Variants in TMEM74 observed in about 807,000 individuals in gnomAD.
The protein encoded by TMEM74 is transmembrane protein 74.
A neutral mutation model predicts 18.1 loss-of-function variants in TMEM74; 13 were observed. The observed-to-expected ratio is 0.72, with a 90% CI of 0.47 to 1.14. The LOEUF is 1.14. TMEM74 is among the 50% of genes most tolerant of loss of function. The probability of loss-of-function intolerance (pLI) is 0.00; values close to 1 mark genes in which losing one functional copy is unlikely to be tolerated. For missense variants in TMEM74, 372 were observed against 375.9 expected, an observed-to-expected ratio of 0.99 and a Z score of 0.09; for synonymous variants, 159 against 146.6, an observed-to-expected ratio of 1.08 and a Z score of -0.61.
At chr8:108,769,529 T>G (rs1157415318) in intron 1 of TMEM74, among the ~76,000 whole-genome samples, 1 of 152,156 alleles carries the variant, frequency 6.6e-6, no homozygotes, top group East Asian at 1.9e-4. Context: ...TTCTTCATTA[T>G]TTCTCATATA....
intron 1 of TMEM74, among the ~76,000 whole-genome samples, chr8:108,691,165 G>A (rs986469040): frequency 6.6e-6 from 1 of 152,154 alleles, no homozygotes; most frequent in Admixed American, 6.5e-5. Context: ...CATGTTGGCC[G>A]GGCCTGGGAC....
chr8:108,694,546 C>T (rs911387896), intron 1 of TMEM74, among the ~76,000 whole-genome samples: 1 of 152,144 alleles, frequency 6.6e-6, no homozygotes, highest in African/African-American at 2.4e-5. Context: ...GAACTGTGAA[C>T]TTTTGTGAAT....
intron 1 of TMEM74, among the ~76,000 whole-genome samples, chr8:108,660,007 ATCT>A: frequency 6.6e-6 from 1 of 152,164 alleles, no homozygotes; most frequent in East Asian, 1.9e-4. Flanking sequence ...ATTGCAATTC[ATCT>A]TCTCCTTCCA....
At chr8:108,735,722 T>A (rs544924868) in intron 1 of TMEM74, among the ~76,000 whole-genome samples, 1 of 152,192 alleles carries the variant, frequency 6.6e-6, no homozygotes, top group Non-Finnish European at 1.5e-5. Flanking sequence ...CTTGGAGATA[T>A]ACTTAGAAGT....
At chr8:108,610,725 G>A (rs1390896099) in intron 2 of TMEM74, among the ~76,000 whole-genome samples, 2 of 152,168 alleles carry the variant, frequency 1.3e-5, no homozygotes, top group Non-Finnish European at 2.9e-5. Context: ...AGTGGGCCAT[G>A]AAAAGAGCAG....
chr8:108,666,588 G>T (rs562567720), intron 1 of TMEM74, among the ~76,000 whole-genome samples: 2 of 152,202 alleles, frequency 1.3e-5, no homozygotes, highest in South Asian at 4.1e-4. Context: ...TCATGCTAAT[G>T]TACCCCTGCA....
chr8:108,765,342 T>C (rs1814092700), intron 1 of TMEM74, among the ~76,000 whole-genome samples: 2 of 151,920 alleles, frequency 1.3e-5, no homozygotes, highest in African/African-American at 4.8e-5. Flanking sequence ...CTTTAAGGGA[T>C]GGTGATGAGC....
chr8:108,679,830 T>C (rs1813094347), intron 1 of TMEM74, among the ~76,000 whole-genome samples: 1 of 152,196 alleles, frequency 6.6e-6, no homozygotes, highest in African/African-American at 2.4e-5. Context: ...CCCATGCCTA[T>C]GTCCTGAATG....
chr8:108,715,718 C>T (rs1460399515), intron 1 of TMEM74, among the ~76,000 whole-genome samples: 2 of 151,908 alleles, frequency 1.3e-5, no homozygotes, highest in Non-Finnish European at 2.9e-5. Context: ...ATACAAAAAA[C>T]ATATACAGGC....
chr8:108,756,610 GGA>G (rs1226849055), intron 1 of TMEM74, among the ~76,000 whole-genome samples: 62 of 68,952 alleles, frequency 9.0e-4, no homozygotes, highest in African/African-American at 4.2e-3. Flanking sequence ...AAGGAAGGAA[GGA>G]AGGAAGGAAG....
chr8:108,655,870 T>C (rs1381633240), intron 1 of TMEM74, among the ~76,000 whole-genome samples: 1 of 152,180 alleles, frequency 6.6e-6, no homozygotes, highest in Non-Finnish European at 1.5e-5. Context: ...CATCAAACAA[T>C]ATATTCTAGG....
intron 1 of TMEM74, among the ~76,000 whole-genome samples, chr8:108,693,684 A>G (rs988683500): frequency 6.6e-6 from 1 of 152,362 alleles, no homozygotes; most frequent in Non-Finnish European, 1.5e-5. Flanking sequence ...TGTTGACTAA[A>G]TGGTGAAAGC....
At chr8:108,774,776 T>TC (rs1474847616), downstream of TMEM74, among the ~76,000 whole-genome samples, 1 of 150,638 alleles carries the variant, frequency 6.6e-6, no homozygotes, top group Non-Finnish European at 1.5e-5. Context: ...TTTTTTTTTT[T>TC]TCTGTAGAGA....
intron 1 of TMEM74, among the ~76,000 whole-genome samples, chr8:108,668,810 T>G (rs1812974513): frequency 6.6e-6 from 1 of 152,136 alleles, no homozygotes; most frequent in Non-Finnish European, 1.5e-5. Flanking sequence ...TTTGTCAATC[T>G]TGAGACTCCA....
chr8:108,670,567 G>A (rs1173525792), intron 1 of TMEM74, among the ~76,000 whole-genome samples: 1 of 152,112 alleles, frequency 6.6e-6, no homozygotes, highest in Non-Finnish European at 1.5e-5. Flanking sequence ...GATTTATTTT[G>A]ATACTTTCTT....
chr8:108,654,479 TAA>T (rs1458328921), intron 2 of TMEM74, among the ~76,000 whole-genome samples: 2 of 152,098 alleles, frequency 1.3e-5, no homozygotes, highest in Non-Finnish European at 2.9e-5. Context: ...TGTTCTTAGG[TAA>T]AGAAAGGGAA....
intron 1 of TMEM74, among the ~76,000 whole-genome samples, chr8:108,726,041 T>C (rs1400286453): frequency 1.3e-5 from 2 of 152,184 alleles, no homozygotes; most frequent in Non-Finnish European, 2.9e-5. Context: ...TAATACACAA[T>C]ATACTATCAG....
rs61334796 is a variant in TMEM74 at position 108,765,407 on chromosome 8, C to CTTTTTTTTTTTTTTTT, written n.119+22053_119+22068dup. ...CTAAGGTCTTAGCAGTTTGGAACTA[C>CTTTTTTTTTTTTTTTT]TTTTTTTTTTTTTTTTTTAGATGGA... is the stretch of plus-strand genomic sequence containing the variant. On this transcript the variant is annotated intron_variant and non_coding_transcript_variant, in intron 1 of 3. Transcript: ENST00000518838. Among the ~76,000 whole-genome samples the CTTTTTTTTTTTTTTTT allele has an allele frequency of 9.9e-5, 12 of 120,712 alleles. 1 individual carries two copies. The highest frequency in any genetic ancestry group is 5.3e-4 in the South Asian group (2 of 3,774). The allele number at this position is 120,712 out of a possible 152,430, so 79.2% of individuals were successfully genotyped here.
downstream of TMEM74, among the ~76,000 whole-genome samples, chr8:108,774,552 T>C (rs1814207431): frequency 1.3e-5 from 2 of 152,190 alleles, no homozygotes; most frequent in Non-Finnish European, 2.9e-5. Context: ...GCATGTTGGT[T>C]TCTTAACCAC....
Sources: gnomAD v4.1 joint callset for allele counts (sites outside exome capture counted in the v4.1 genomes callset) on GRCh38, gnomAD v4.1.1 for gene constraint, MANE v1.5 for transcripts, NCBI Gene and HGNC (gene_info 2026-07-23, HGNC 2026-07-21) for gene names.